Variants in DEAF1 observed in about 807,000 individuals in gnomAD.
DEAF1 encodes the protein deformed epidermal autoregulatory factor 1 homolog.
In DEAF1, 53 loss-of-function variants were observed where a neutral mutation model predicts 58.9. That is an observed-to-expected ratio of 0.90 (90% CI 0.72 to 1.13). DEAF1 has a LOEUF of 1.13. DEAF1 is among the 50% of genes most tolerant of loss of function. The pLI is 0.00. For synonymous variants in DEAF1, 385 were observed against 340.4 expected (o/e 1.13, Z -1.44); for missense variants, 685 against 791.4 (o/e 0.87, Z 1.61).
chr11:670,931 GTT>G (rs558436376), intron 10 of DEAF1, among the ~76,000 whole-genome samples: 1 of 91,378 alleles, frequency 1.1e-5, no homozygotes, highest in Non-Finnish European at 1.9e-5. Context: ...CCTGGCTAAT[GTT>G]TTTTTTTTTT....
intron 2 of DEAF1, among the ~76,000 whole-genome samples, chr11:690,971 T>C (rs1177678516): frequency 6.6e-6 from 1 of 152,134 alleles, no homozygotes; most frequent in Non-Finnish European, 1.5e-5. Flanking sequence ...ACATAAAACA[T>C]AAAATAAGCT....
intron 5 of DEAF1, among the ~76,000 whole-genome samples, chr11:686,579 G>T (rs1358736476): frequency 6.6e-6 from 1 of 152,098 alleles, no homozygotes; most frequent in South Asian, 2.1e-4. Context: ...TATTTGACAC[G>T]CCCCCTTTCT....
Position 686,868 on chromosome 11 carries a change from C to CGAT in DEAF1, c.793_794insATC (p.Cys265delinsTyrArg). The CGAT allele has an allele frequency of 6.2e-7, 1 of 1,614,194 alleles. No individual in the cohort carries two copies. Among genetic ancestry groups the CGAT allele is most frequent in the Non-Finnish European group, 8.5e-7 (1 of 1,180,032 alleles). On this transcript the variant is annotated protein_altering_variant, in exon 5 of 12. Transcript: ENST00000382409. ...GGTCACGGACGATACCTGGATGAGG[C>CGAT]ACTGCAAGGGTCGGCCCGCGTAGCG...
intron 5 of DEAF1, among the ~76,000 whole-genome samples, chr11:685,592 G>A (rs976500265): frequency 6.6e-6 from 1 of 152,140 alleles, no homozygotes; most frequent in African/African-American, 2.4e-5. Flanking sequence ...CTACCTGGGA[G>A]GCTCAGGCAG....
chr11:677,557 A>G lies in DEAF1; in HGVS notation c.1255+1137T>C, dbSNP rs1437499729. Among the ~76,000 whole-genome samples the G allele has an allele frequency of 2.8e-5, 3 of 107,808 alleles. 1 individual carries two copies. In the East Asian group the frequency reaches 1.3e-3, roughly 47 times the overall value. The allele number at this position is 107,808 out of a possible 152,430, so 70.7% of individuals were successfully genotyped here. ...TGAAAAGGTAAGTTTTTCATGAACA[A>G]GTTTCTTGCGCTGTCTGTGACAGTG... On this transcript the variant is annotated intron_variant, in intron 9 of 11. Transcript: ENST00000382409.
At chr11:659,465 C>A (rs1859214476) in intron 10 of DEAF1, among the ~76,000 whole-genome samples, 2 of 152,154 alleles carry the variant, frequency 1.3e-5, no homozygotes, top group Admixed American at 1.3e-4. Flanking sequence ...TGGTTGGAGG[C>A]AGCCTGGTGG....
At chr11:650,194 G>A (rs1018973264) in intron 11 of DEAF1, among the ~76,000 whole-genome samples, 38 of 151,652 alleles carry the variant, frequency 2.5e-4, no homozygotes, top group Non-Finnish European at 4.7e-4. Context: ...GGCCAACATG[G>A]TGAAACCCGT....
chr11:645,024 A>G (rs1177003226), intron 11 of DEAF1, among the ~76,000 whole-genome samples: 3 of 152,148 alleles, frequency 2.0e-5, no homozygotes, highest in East Asian at 1.9e-4. Context: ...TTAGCTGGGC[A>G]TGGTGGCAGG....
rs549689823 is a variant in DEAF1 at position 672,184 on chromosome 11, T to G, written c.1503+2352A>C. On this transcript the variant is annotated intron_variant, in intron 10 of 11. Coordinates refer to ENST00000382409, the MANE Select transcript of DEAF1 (RefSeq NM_021008.4). ...ACGGCCTGGGATGAGAATCACTGTTTGTTATGTGCTTGTCTGGTAGAATCC... is the reference window on the plus strand; with the variant it reads ...ACGGCCTGGGATGAGAATCACTGTTGGTTATGTGCTTGTCTGGTAGAATCC... Among the ~76,000 whole-genome samples the G allele has an allele frequency of 1.1e-4, 17 of 150,898 alleles. No individual in the cohort carries two copies. The South Asian group carries it at 3.6e-3, about 32-fold the overall frequency.
At chr11:660,523 C>T (rs1426424584) in intron 10 of DEAF1, among the ~76,000 whole-genome samples, 2 of 152,240 alleles carry the variant, frequency 1.3e-5, no homozygotes, top group African/African-American at 2.4e-5. Context: ...CTGGCTCCCT[C>T]GGGGGACTCC....
chr11:657,308 G>A (rs1859104317), intron 10 of DEAF1, among the ~76,000 whole-genome samples: 1 of 152,190 alleles, frequency 6.6e-6, no homozygotes, highest in South Asian at 2.1e-4. Flanking sequence ...TGCAGTGCCA[G>A]GAAGTCAGGA....
intron 10 of DEAF1, among the ~76,000 whole-genome samples, chr11:655,843 A>T (rs28717047): frequency 0.28 from 36,580 of 131,662 alleles, 7,239 homozygotes; most frequent in African/African-American, 0.58. Flanking sequence ...TATTATTATT[A>T]TTTTTTTGAG....
At chr11:660,944 C>T (rs1442034764) in intron 10 of DEAF1, among the ~76,000 whole-genome samples, 1 of 152,210 alleles carries the variant, frequency 6.6e-6, no homozygotes, top group Non-Finnish European at 1.5e-5. Context: ...CTGTCTCCAC[C>T]CTTCCAGATC....
At position 695,100 on chromosome 11, in the gene DEAF1, C is replaced by T; in HGVS notation, c.-53G>A. Reference sequence around the variant, plus strand: ...CGCCGTCCGGGACCGCCCGAAGCGCCGGTCGCGGAGCCCGAAGCGGGGCCC... The same window carrying T: ...CGCCGTCCGGGACCGCCCGAAGCGCTGGTCGCGGAGCCCGAAGCGGGGCCC... On this transcript the variant is annotated 5_prime_UTR_variant, in exon 1 of 12. Coordinates refer to ENST00000382409, the MANE Select transcript of DEAF1 (RefSeq NM_021008.4). 1 of 1,396,432 alleles carries T rather than the reference C, an allele frequency of 7.2e-7. No homozygotes were observed. The allele number at this position is 1,396,432 out of a possible 1,614,324, so 86.5% of individuals were successfully genotyped here. A position where few individuals can be genotyped will look rare whatever the true frequency, so the allele number is the denominator to read the frequency against.
At chr11:702,229 C>T (rs546665137) in intron 1 of DEAF1, among the ~76,000 whole-genome samples, 126 of 152,366 alleles carry the variant, frequency 8.3e-4, no homozygotes, top group Non-Finnish European at 1.6e-3. Context: ...GGTGCCCGGC[C>T]GTCAGTGTCT....
chr11:699,691 T>G (rs1227687077), upstream of DEAF1: 2 of 155,370 alleles, frequency 1.3e-5, no homozygotes, highest in African/African-American at 4.8e-5. Flanking sequence ...GAGGTTGCAG[T>G]GAGCCAAGAT....
intron 10 of DEAF1, among the ~76,000 whole-genome samples, chr11:659,545 C>T (rs7941038): frequency 0.22 from 33,920 of 152,134 alleles, 5,871 homozygotes; most frequent in African/African-American, 0.49. Context: ...CCAGGAGCCT[C>T]GATGGAGCCA....
At chr11:697,055 G>A (rs1257901847), upstream of DEAF1, among the ~76,000 whole-genome samples, 1 of 150,156 alleles carries the variant, frequency 6.7e-6, no homozygotes, top group South Asian at 2.1e-4. Context: ...GGCCAAGATC[G>A]CACCATTGCA....
At chr11:691,418 G>T in intron 2 of DEAF1, 83 bp downstream of exon 2, 1 of 1,319,420 alleles carries the variant, frequency 7.6e-7, no homozygotes, top group Non-Finnish European at 1.1e-6. Flanking sequence ...ACAGCGGGCT[G>T]AACCCCGGGA....
Sources: allele counts gnomAD v4.1 joint callset (sites outside exome capture counted in the v4.1 genomes callset), GRCh38; gene constraint gnomAD v4.1.1; transcripts MANE v1.5; gene names NCBI Gene and HGNC (gene_info 2026-07-23, HGNC 2026-07-21).